GALK2: variants seen among roughly 807,000 people sequenced by gnomAD.
GALK2 encodes galactokinase 2.
GALK2 carries 36 observed loss-of-function variants against 52.4 expected under a neutral mutation model. That is an observed-to-expected ratio of 0.69 (90% CI 0.53 to 0.91). The LOEUF (loss-of-function observed/expected upper bound fraction) is 0.91, where lower values mean the gene tolerates loss of function less well. GALK2 is among the 40% of genes least tolerant of loss of function. The pLI, the probability that GALK2 is intolerant of heterozygous loss-of-function variation, is 0.00. For synonymous variants in GALK2, 176 were observed against 199.1 expected, an observed-to-expected ratio of 0.88 and a Z score of 0.98; for missense variants, 579 against 559.1, an observed-to-expected ratio of 1.04 and a Z score of -0.36.
intron 5 of GALK2, among the ~76,000 whole-genome samples, chr15:49,262,133 A>C (rs2092141562): frequency 1.3e-5 from 2 of 152,010 alleles, no homozygotes. Flanking sequence ...GAATATTTTC[A>C]GAAGGAATGG....
At chr15:49,202,264 C>T (rs1023016654) in intron 2 of GALK2, among the ~76,000 whole-genome samples, 9 of 152,298 alleles carry the variant, frequency 5.9e-5, no homozygotes, top group African/African-American at 1.4e-4. Context: ...CTTGGCCTCC[C>T]AAAGTGCTGA....
At chr15:49,232,998 A>C (rs974060748) in intron 3 of GALK2, among the ~76,000 whole-genome samples, 2 of 152,198 alleles carry the variant, frequency 1.3e-5, no homozygotes, top group African/African-American at 4.8e-5. Flanking sequence ...ACCCAGTTCC[A>C]AATGCAAATT....
At chr15:49,288,723 A>G (rs1438437025) in intron 7 of GALK2, among the ~76,000 whole-genome samples, 2 of 152,168 alleles carry the variant, frequency 1.3e-5, no homozygotes, top group South Asian at 2.1e-4. Flanking sequence ...GTTTAGTGGA[A>G]CCAGATTGTG....
At chr15:49,234,488 C>T (rs536206437) in intron 3 of GALK2, among the ~76,000 whole-genome samples, 3 of 152,300 alleles carry the variant, frequency 2.0e-5, no homozygotes, top group African/African-American at 7.2e-5. Context: ...CTCACAGTTC[C>T]ATATGGCGGG....
chr15:49,259,613 T>C (rs2091994388), intron 5 of GALK2, among the ~76,000 whole-genome samples: 1 of 149,204 alleles, frequency 6.7e-6, no homozygotes, highest in Admixed American at 6.7e-5. Context: ...AGTTTTAGGG[T>C]ACATGTGCAC....
At chr15:49,293,132 G>T (rs2034110222) in intron 8 of GALK2, among the ~76,000 whole-genome samples, 1 of 152,210 alleles carries the variant, frequency 6.6e-6, no homozygotes, top group African/African-American at 2.4e-5. Flanking sequence ...AGGACATCTA[G>T]TTAAGATCCA....
intron 1 of GALK2, among the ~76,000 whole-genome samples, chr15:49,163,826 G>A (rs2084732018): frequency 6.6e-6 from 1 of 152,154 alleles, no homozygotes; most frequent in Non-Finnish European, 1.5e-5. Context: ...ATGAAAATGT[G>A]ATGTGTTTAA....
chr15:49,163,429 G>A (rs926034816), intron 1 of GALK2, among the ~76,000 whole-genome samples: 2 of 151,932 alleles, frequency 1.3e-5, no homozygotes, highest in Admixed American at 1.3e-4. Context: ...TTTCACTTAT[G>A]TTTTTTTCTG....
At chr15:49,288,144 C>T (rs959366879) in intron 7 of GALK2, among the ~76,000 whole-genome samples, 14 of 152,116 alleles carry the variant, frequency 9.2e-5, no homozygotes, top group Non-Finnish European at 1.3e-4. Flanking sequence ...TTAGTAGGTA[C>T]AACATTTTTC....
intron 3 of GALK2, among the ~76,000 whole-genome samples, chr15:49,341,167 C>A (rs2040671267): frequency 6.6e-6 from 1 of 152,092 alleles, no homozygotes; most frequent in African/African-American, 2.4e-5. Context: ...GTTACTGTAG[C>A]CTTGTAGTAT....
At chr15:49,284,293 C>T (rs563673735) in intron 7 of GALK2, among the ~76,000 whole-genome samples, 22 of 152,110 alleles carry the variant, frequency 1.4e-4, no homozygotes, top group African/African-American at 2.2e-4. Context: ...GTAGTTCTAG[C>T]GGCATGAAGA....
intron 5 of GALK2, among the ~76,000 whole-genome samples, chr15:49,265,320 T>C (rs1423035231): frequency 6.6e-6 from 1 of 152,228 alleles, no homozygotes; most frequent in Non-Finnish European, 1.5e-5. Context: ...CAGTTTGATC[T>C]TATACTGCTG....
intron 1 of GALK2, among the ~76,000 whole-genome samples, chr15:49,189,042 G>C (rs2086550350): frequency 6.6e-6 from 1 of 152,108 alleles, no homozygotes; most frequent in Non-Finnish European, 1.5e-5. Context: ...GGCTAAAACT[G>C]GCCTGTTTAG....
chr15:49,309,884 G>T (rs2035851968), intron 8 of GALK2, among the ~76,000 whole-genome samples: 2 of 152,126 alleles, frequency 1.3e-5, no homozygotes, highest in African/African-American at 4.8e-5. Context: ...GGGATTACAG[G>T]CATGAGCCAC....
intron 3 of GALK2, among the ~76,000 whole-genome samples, chr15:49,350,233 G>C (rs913770104): frequency 6.6e-6 from 1 of 152,130 alleles, no homozygotes; most frequent in African/African-American, 2.4e-5. Context: ...TGGTTAATGA[G>C]CACTTAAAAT....
rs185678377 is a variant in GALK2 at position 49,171,374 on chromosome 15, G to T, written c.53+999G>T. Among the ~76,000 whole-genome samples, 628 of 152,210 alleles carry T rather than the reference G, an allele frequency of 4.1e-3. 9 individuals carry two copies. Among genetic ancestry groups the T allele is most frequent in the African/African-American group, 0.015 (605 of 41,538 alleles). The stretch of plus-strand genomic sequence containing the variant: ...TGGGATTACAGACGTGAGCCATCGC[G>T]CCCGGCCCTCTGCCTTTGCTGTTTT... On this transcript the variant is annotated intron_variant, in intron 1 of 9. Transcript: ENST00000560031.
intron 7 of GALK2, among the ~76,000 whole-genome samples, chr15:49,289,184 T>C (rs1205011951): frequency 1.3e-5 from 2 of 152,194 alleles, no homozygotes; most frequent in African/African-American, 4.8e-5. Context: ...TCAGGAGCCA[T>C]GTGTGCCTTA....
chr15:49,366,479 G>C, intron 3 of GALK2: 1 of 1,115,046 alleles, frequency 9.0e-7, no homozygotes, highest in East Asian at 2.3e-5. Flanking sequence ...TAGTGGTGCG[G>C]AAGTCAGATT....
intron 1 of GALK2, among the ~76,000 whole-genome samples, chr15:49,163,785 C>T (rs1405721564): frequency 6.6e-6 from 1 of 152,192 alleles, no homozygotes; most frequent in African/African-American, 2.4e-5. Flanking sequence ...CTCTGAAATG[C>T]AGCATATGCC....
Sources: gnomAD v4.1 joint callset for allele counts (sites outside exome capture counted in the v4.1 genomes callset) on GRCh38, gnomAD v4.1.1 for gene constraint, MANE v1.5 for transcripts, NCBI Gene and HGNC (gene_info 2026-07-23, HGNC 2026-07-21) for gene names.